Variants in SRRM3 observed in about 807,000 individuals in gnomAD.
SRRM3 encodes the protein serine/arginine repetitive matrix 3.
A neutral mutation model predicts 66.2 loss-of-function variants in SRRM3; 27 were observed. The observed-to-expected ratio is 0.41, with a 90% CI of 0.30 to 0.56. The LOEUF is 0.56. Ranked by LOEUF, SRRM3 falls within the 20% of genes least tolerant of loss-of-function variation. The pLI is 0.32. For missense variants in SRRM3, 918 were observed against 991.9 expected, an observed-to-expected ratio of 0.93 and a Z score of 1.00; for synonymous variants, 391 against 414.9, an observed-to-expected ratio of 0.94 and a Z score of 0.70.
At chr7:76,261,455 C>T (rs782726560) in intron 7 of SRRM3, 41 bp downstream of exon 7, 42 of 1,598,440 alleles carry the variant, frequency 2.6e-5, no homozygotes, top group African/African-American at 1.1e-4. Context: ...CTCTTCCTCC[C>T]GTGGGGCCCA....
chr7:76,235,118 G>A lies in SRRM3; in HGVS notation c.52G>A (p.Ala18Thr), dbSNP rs575391005. 4 of 1,585,372 alleles carry A rather than the reference G, an allele frequency of 2.5e-6. No homozygotes were observed. Among genetic ancestry groups the A allele is most frequent in the African/African-American group, 1.3e-5 (1 of 74,258 alleles). Residue 18 changes from alanine to threonine, a missense_variant, in exon 2 of 15, where the codon GCC (alanine) becomes ACC (threonine). Physicochemically the swap from Ala to Thr is moderately conservative, Grantham distance 58 (BLOSUM62 0). Transcript: ENST00000611745. The part of the protein sequence containing the change: ...GAASMQSTPD[A>T]ANGFPQPSSS... ...GGCCAGCATGCAGTCCACACCCGAC[G>A]CCGCGAACGGCTTCCCGCAGCCCAG...
At chr7:76,238,693 CTG>C (rs1801207891) in intron 2 of SRRM3, among the ~76,000 whole-genome samples, 1 of 152,198 alleles carries the variant, frequency 6.6e-6, no homozygotes, top group African/African-American at 2.4e-5. Context: ...TGGATTCTCG[CTG>C]TGTCACCCAG....
At chr7:76,245,511 G>A (rs1801416773) in intron 2 of SRRM3, among the ~76,000 whole-genome samples, 1 of 151,986 alleles carries the variant, frequency 6.6e-6, no homozygotes, top group African/African-American at 2.4e-5. Context: ...TTTGATACAG[G>A]CATGCAATGT....
At chr7:76,280,060 A>G (rs1249054506) in intron 11 of SRRM3, among the ~76,000 whole-genome samples, 1 of 151,970 alleles carries the variant, frequency 6.6e-6, no homozygotes, top group Non-Finnish European at 1.5e-5. Context: ...TAAAGGAGGA[A>G]GTGCCACTTT....
intron 11 of SRRM3, among the ~76,000 whole-genome samples, chr7:76,279,313 T>G (rs1306914313): frequency 1.3e-5 from 2 of 152,006 alleles, no homozygotes; most frequent in Admixed American, 1.3e-4. Flanking sequence ...AGGCACCACC[T>G]GGCTTCTAGG....
intron 11 of SRRM3, among the ~76,000 whole-genome samples, chr7:76,277,903 A>G (rs1802396446): frequency 6.6e-6 from 1 of 152,198 alleles, no homozygotes. Context: ...TTAAAGAAGG[A>G]GACCAGCGTC....
In SRRM3 at chr7:76,286,259, G is replaced by A; in HGVS notation, c.*416G>A. The A allele has an allele frequency of 4.6e-6, 1 of 219,568 alleles. No homozygotes were observed. Among genetic ancestry groups the A allele is most frequent in the East Asian group, 1.4e-4 (1 of 7,198 alleles). 13.6% of individuals were successfully genotyped at this position (219,568 alleles called of 1,614,324 possible). On this transcript the variant is annotated 3_prime_UTR_variant, in exon 15 of 15. Transcript: ENST00000611745. ...GACACCTTGCAAGGTGCCAGCCCTG[G>A]GAGCCCCTCTTCCGCACTACACAGC...
At position 76,234,734 on chromosome 7, in the gene SRRM3, C is replaced by T. The variant is rs116847432; in HGVS notation, c.-39-294C>T. Among the ~76,000 whole-genome samples, 947 of 152,202 alleles carry T rather than the reference C, an allele frequency of 6.2e-3. 31 individuals are homozygous for T. In the East Asian group the frequency reaches 0.1, roughly 17 times the overall value. On this transcript the variant is annotated intron_variant, in intron 1 of 14. Coordinates refer to ENST00000611745, the MANE Select transcript of SRRM3 (RefSeq NM_001110199.3). ...TTCGTGCAAGCCAGAGAGGATGGTC[C>T]TCGGTAGTTCCTGGAGGTGACACGA...
intron 11 of SRRM3, among the ~76,000 whole-genome samples, chr7:76,277,293 G>C (rs983073952): frequency 6.6e-6 from 1 of 152,148 alleles, no homozygotes; most frequent in African/African-American, 2.4e-5. Context: ...CCCACTCTCA[G>C]CATAATGTAG....
chr7:76,227,411 C>T (rs1800901851), intron 1 of SRRM3, among the ~76,000 whole-genome samples: 1 of 152,234 alleles, frequency 6.6e-6, no homozygotes, highest in Admixed American at 6.5e-5. Flanking sequence ...GCACCATCCA[C>T]CTGGTCACCC....
intron 1 of SRRM3, among the ~76,000 whole-genome samples, chr7:76,232,286 A>G (rs962743277): frequency 6.6e-6 from 1 of 151,978 alleles, no homozygotes; most frequent in African/African-American, 2.4e-5. Context: ...TAATCCCAGC[A>G]CTTTGGGAGG....
At chr7:76,284,168 GCTT>G (rs1370788349) in intron 14 of SRRM3, among the ~76,000 whole-genome samples, 28 of 148,888 alleles carry the variant, frequency 1.9e-4, no homozygotes, top group Non-Finnish European at 3.0e-4. Flanking sequence ...TTGTGCTACT[GCTT>G]CTTTTTTTTT....
intron 2 of SRRM3, among the ~76,000 whole-genome samples, chr7:76,246,774 G>A (rs1801454635): frequency 6.6e-6 from 1 of 152,082 alleles, no homozygotes; most frequent in African/African-American, 2.4e-5. Context: ...AGCATCCCCT[G>A]CTCTCATGTT....
chr7:76,210,277 G>A (rs1800398580), intron 1 of SRRM3, among the ~76,000 whole-genome samples: 1 of 152,140 alleles, frequency 6.6e-6, no homozygotes, highest in Non-Finnish European at 1.5e-5. Context: ...TCTCATCAGG[G>A]CCCCAGAGGG....
At chr7:76,264,134 G>A (rs1443510962) in intron 8 of SRRM3, among the ~76,000 whole-genome samples, 1 of 149,630 alleles carries the variant, frequency 6.7e-6, no homozygotes, top group Admixed American at 6.7e-5. Context: ...GCTTGAGGCT[G>A]CCACACCTGC....
intron 1 of SRRM3, among the ~76,000 whole-genome samples, chr7:76,217,704 G>C (rs1554602737): frequency 6.6e-6 from 1 of 152,186 alleles, no homozygotes; most frequent in Admixed American, 6.6e-5. Context: ...GAGGGGTCTA[G>C]GCAGTATGGC....
chr7:76,261,660 T>A, intron 8 of SRRM3, 79 bp downstream of exon 8: 1 of 1,469,578 alleles, frequency 6.8e-7, no homozygotes. Flanking sequence ...TGGGAGGGGG[T>A]TTTGAGGGTC....
chr7:76,220,063 A>T (rs1800670180), intron 1 of SRRM3, among the ~76,000 whole-genome samples: 2 of 152,166 alleles, frequency 1.3e-5, no homozygotes, highest in African/African-American at 4.8e-5. Context: ...CCCAGAGATG[A>T]TGGTGGTAAA....
chr7:76,247,902 C>A (rs565458582), intron 2 of SRRM3, among the ~76,000 whole-genome samples: 7 of 152,272 alleles, frequency 4.6e-5, no homozygotes, highest in Admixed American at 3.9e-4. Flanking sequence ...GCCATGTTGG[C>A]CAGGCTGGTT....
Sources: gnomAD v4.1 joint callset for allele counts (sites outside exome capture counted in the v4.1 genomes callset) on GRCh38, gnomAD v4.1.1 for gene constraint, MANE v1.5 for transcripts, NCBI Gene and HGNC (gene_info 2026-07-23, HGNC 2026-07-21) for gene names.